The following ADAMTSL1 variants were observed in gnomAD, a reference collection of about 807,000 sequenced individuals.
The protein encoded by ADAMTSL1 is ADAMTS like 1.
In ADAMTSL1, 126 loss-of-function variants were observed where a neutral mutation model predicts 201.8. The observed-to-expected ratio is 0.62, with a 90% CI of 0.54 to 0.72. The LOEUF (loss-of-function observed/expected upper bound fraction) is 0.72. ADAMTSL1 is among the 30% of genes least tolerant of loss of function. The probability of loss-of-function intolerance (pLI) is 0.00; values close to 1 mark genes in which losing one functional copy is unlikely to be tolerated. For missense variants in ADAMTSL1, 2,679 were observed against 2,277.8 expected (o/e 1.18, Z -3.59); for synonymous variants, 1,121 against 903.4 (o/e 1.24, Z -4.32).
intron 7 of ADAMTSL1, among the ~76,000 whole-genome samples, chr9:18,650,774 T>G (rs1309394628): frequency 6.6e-6 from 1 of 152,202 alleles, no homozygotes; most frequent in African/African-American, 2.4e-5. Context: ...TTCCGTTGGC[T>G]CTACATACAT....
chr9:18,453,285 G>C (rs1444632688), intron 2 of ADAMTSL1, among the ~76,000 whole-genome samples: 3 of 152,096 alleles, frequency 2.0e-5, no homozygotes, highest in Non-Finnish European at 4.4e-5. Context: ...GCCTGTGGAG[G>C]GTGCCTTGGG....
chr9:18,566,899 C>G (rs1821936538), intron 3 of ADAMTSL1, among the ~76,000 whole-genome samples: 1 of 152,142 alleles, frequency 6.6e-6, no homozygotes, highest in Non-Finnish European at 1.5e-5. Flanking sequence ...TGGTTGTGAT[C>G]AGATTCTGTG....
rs56662538 is a variant in ADAMTSL1, at chr9:18,655,806, T to TAA, written c.835-1803_835-1802dup. Among the ~76,000 whole-genome samples the TAA allele has an allele frequency of 2.4e-4, 20 of 81,846 alleles. 1 individual carries two copies. Among genetic ancestry groups the TAA allele is most frequent in the South Asian group, 5.6e-4 (1 of 1,788 alleles). The allele number at this position is 81,846 out of a possible 152,430, so 53.7% of individuals were successfully genotyped here. ...AGAGAGCTAGAGGCTTTTGTGAGCT[T>TAA]AAAAAAAAAAAAAAAAAAAAAAAAA... On this transcript the variant is annotated intron_variant, in intron 7 of 28. Transcript: ENST00000380548.
intron 1 of ADAMTSL1, among the ~76,000 whole-genome samples, chr9:18,117,072 T>C (rs1825282876): frequency 6.6e-6 from 1 of 152,198 alleles, no homozygotes; most frequent in Non-Finnish European, 1.5e-5. Context: ...GTCTCTACCT[T>C]TAGAATATGT....
chr9:18,319,587 A>G (rs1834540794), intron 2 of ADAMTSL1, among the ~76,000 whole-genome samples: 1 of 152,178 alleles, frequency 6.6e-6, no homozygotes, highest in Admixed American at 6.5e-5. Context: ...ATGGGGAGAG[A>G]TAAAAAGCCA....
chr9:18,583,035 T>C (rs960903442), intron 4 of ADAMTSL1, among the ~76,000 whole-genome samples: 1 of 152,164 alleles, frequency 6.6e-6, no homozygotes, highest in Non-Finnish European at 1.5e-5. Context: ...AATAAACCTC[T>C]TTCTTTTGTA....
chr9:18,211,253 C>A (rs1177300903), intron 2 of ADAMTSL1, among the ~76,000 whole-genome samples: 4 of 152,054 alleles, frequency 2.6e-5, no homozygotes, highest in Non-Finnish European at 5.9e-5. Flanking sequence ...TTGTTAACTT[C>A]TAGGTCAGTG....
At position 18,620,641 on chromosome 9, in the gene ADAMTSL1, A is replaced by G. The variant is rs191681255; in HGVS notation, c.475-1602A>G. 6.1e-4 allele frequency among the ~76,000 whole-genome samples: 93 copies of G among 152,302 alleles called. 1 individual carries two copies. The highest frequency in any genetic ancestry group is 5.4e-3 in the Admixed American group (82 of 15,290). ...TAAGCCAGCACATGTTTGGCACTGCAGGGATGAAATTCGGTTGCTTTCTGA... is the reference window on the plus strand; with the variant it reads ...TAAGCCAGCACATGTTTGGCACTGCGGGGATGAAATTCGGTTGCTTTCTGA... On this transcript the variant is annotated intron_variant, in intron 4 of 28. Coordinates refer to ENST00000380548, the MANE Select transcript of ADAMTSL1 (RefSeq NM_001040272.6).
chr9:18,272,322 A>G (rs952418141), intron 2 of ADAMTSL1, among the ~76,000 whole-genome samples: 16 of 152,178 alleles, frequency 1.1e-4, no homozygotes, highest in Non-Finnish European at 2.1e-4. Flanking sequence ...AACTATCTGA[A>G]CTTTGACAAA....
Position 18,542,678 on chromosome 9 carries a change from A to G in ADAMTSL1, c.237+9386A>G, listed in dbSNP as rs893152315. Among the ~76,000 whole-genome samples, 13 of 152,256 alleles carry G rather than the reference A, an allele frequency of 8.5e-5. No homozygotes were observed. In the East Asian group the frequency reaches 2.3e-3, roughly 27 times the overall value. On this transcript the variant is annotated intron_variant, in intron 3 of 28. Transcript: ENST00000380548. The stretch of plus-strand genomic sequence containing the variant: ...TGATGTTGGCCTCCTAGACTCCAGA[A>G]TTGCATAAAAATAAATTTCAGTTGT...
chr9:18,572,374 T>G (rs1822385550), intron 3 of ADAMTSL1, among the ~76,000 whole-genome samples: 2 of 143,122 alleles, frequency 1.4e-5, no homozygotes, highest in Admixed American at 7.4e-5. Flanking sequence ...CTTAAAAAAT[T>G]TAAACTGCAT....
chr9:18,332,693 C>G lies in ADAMTSL1; in HGVS notation c.207+168712C>G, dbSNP rs909934341. ...TCAATAGAATTTGTTGATAACTACACAGTTATGGTTATAAGTTAAGTTATT... is the reference window on the plus strand; with the variant it reads ...TCAATAGAATTTGTTGATAACTACAGAGTTATGGTTATAAGTTAAGTTATT... On this transcript the variant is annotated intron_variant, in intron 2 of 29. Transcript: ENST00000680146. 2.6e-4 allele frequency among the ~76,000 whole-genome samples: 39 copies of G among 152,146 alleles called. 1 individual carries two copies. The highest frequency in any genetic ancestry group is 8.8e-5 in the Non-Finnish European group (6 of 68,030).
At chr9:17,950,503 T>C (rs576662001) in intron 1 of ADAMTSL1, among the ~76,000 whole-genome samples, 3 of 151,552 alleles carry the variant, frequency 2.0e-5, no homozygotes, top group Non-Finnish European at 2.9e-5. Flanking sequence ...ATGTGTATGA[T>C]TGTATATATT....
chr9:18,340,300 T>C (rs925839418), intron 2 of ADAMTSL1, among the ~76,000 whole-genome samples: 2 of 152,210 alleles, frequency 1.3e-5, no homozygotes, highest in African/African-American at 4.8e-5. Context: ...TTTCTCTTGG[T>C]CAGTATTATC....
chr9:18,780,813 A>G (rs1405803556), intron 19 of ADAMTSL1, among the ~76,000 whole-genome samples: 1 of 152,204 alleles, frequency 6.6e-6, no homozygotes, highest in East Asian at 1.9e-4. Context: ...GTAGAGGTCT[A>G]TATTACCTTT....
chr9:18,754,614 T>A (rs1299445749), intron 16 of ADAMTSL1, among the ~76,000 whole-genome samples: 1 of 152,224 alleles, frequency 6.6e-6, no homozygotes, highest in Non-Finnish European at 1.5e-5. Flanking sequence ...GTCTCCCATT[T>A]CCAGGCAGCC....
chr9:18,646,554 G>A (rs376019717), intron 7 of ADAMTSL1, among the ~76,000 whole-genome samples: 5 of 145,704 alleles, frequency 3.4e-5, no homozygotes, highest in East Asian at 3.9e-4. Flanking sequence ...ATTATTTTGA[G>A]ATACGTCCCA....
chr9:18,081,911 AT>A (rs1823514331), intron 1 of ADAMTSL1, among the ~76,000 whole-genome samples: 1 of 152,220 alleles, frequency 6.6e-6, no homozygotes, highest in South Asian at 2.1e-4. Flanking sequence ...TCAGGTAAAC[AT>A]TTTATATGCA....
intron 2 of ADAMTSL1, among the ~76,000 whole-genome samples, chr9:18,165,044 GT>G (rs1197897753): frequency 4.0e-5 from 6 of 150,602 alleles, no homozygotes; most frequent in Admixed American, 2.0e-4. Flanking sequence ...TCATATATTG[GT>G]TTTTTTTTCT....
Sources: allele counts gnomAD v4.1 joint callset (sites outside exome capture counted in the v4.1 genomes callset), GRCh38; gene constraint gnomAD v4.1.1; transcripts MANE v1.5; gene names NCBI Gene and HGNC (gene_info 2026-07-23, HGNC 2026-07-21).